ZNF184: variants seen among roughly 807,000 people sequenced by gnomAD.
ZNF184 encodes zinc finger protein 184.
ZNF184 carries 16 observed loss-of-function variants against 54.4 expected under a neutral mutation model. The ratio of observed to expected loss-of-function variants is 0.29; its 90% CI spans 0.20 to 0.45. The LOEUF is 0.45. Ranked by LOEUF, ZNF184 falls within the 20% of genes least tolerant of loss-of-function variation. The probability of loss-of-function intolerance (pLI) is 1.00; values close to 1 mark genes in which losing one functional copy is unlikely to be tolerated. For synonymous variants in ZNF184, 254 were observed against 295.3 expected (o/e 0.86, Z 1.43); for missense variants, 681 against 888.2 (o/e 0.77, Z 2.97).
intron 3 of ZNF184, among the ~76,000 whole-genome samples, chr6:27,466,207 T>C (rs539063432): frequency 6.6e-6 from 1 of 151,604 alleles, no homozygotes; most frequent in East Asian, 1.9e-4. Context: ...GCTTTGAAGA[T>C]AGAATAAGTA....
the ZNF184 span, among the ~76,000 whole-genome samples, chr6:27,420,182 C>T: frequency 2.6e-5 from 4 of 152,120 alleles, no homozygotes; most frequent in Admixed American, 6.5e-5. Context: ...ACTAAGTATC[C>T]GATAAATGCT....
intron 3 of ZNF184, among the ~76,000 whole-genome samples, chr6:27,466,977 C>G (rs1351506355): frequency 6.6e-6 from 1 of 152,222 alleles, no homozygotes; most frequent in Non-Finnish European, 1.5e-5. Flanking sequence ...TTCATTCAAT[C>G]ATTTGTGTAC....
chr6:27,453,149 C>A lies in ZNF184; in HGVS notation c.410G>T (p.Ser137Ile), dbSNP rs1239949224. 1.9e-6 allele frequency: 3 copies of A among 1,614,114 alleles called. No individual in the cohort carries two copies. In the Admixed American group the frequency reaches 5.0e-5, roughly 27 times the overall value. Residue 137 changes from serine (S) to isoleucine (I), a missense_variant, in exon 6 of 6, where the codon AGT (serine) becomes ATT (isoleucine). Ser to Ile is a moderately radical substitution (Grantham distance 142). Coordinates refer to ENST00000683788, the MANE Select transcript of ZNF184 (RefSeq NM_001318891.2). This position sits in a 1 kb window ranked among gnomAD's most constrained non-coding sequence, Gnocchi z 4.7. ...VEKHKRDDSW[S>I]SNLLESWEYE... ...TTCCCAACTTTCTAGCAAGTTGGAA[C>A]TCCAAGAATCATCTCTTTTGTGTTT...
the ZNF184 span, among the ~76,000 whole-genome samples, chr6:27,437,180 T>G: frequency 6.6e-6 from 1 of 152,172 alleles, no homozygotes; most frequent in Non-Finnish European, 1.5e-5. Context: ...GCAAAATAAA[T>G]TTTGTAGATG....
intron 3 of ZNF184, among the ~76,000 whole-genome samples, chr6:27,463,058 TAAAAA>T (rs755524386): frequency 7.1e-5 from 4 of 56,676 alleles, no homozygotes; most frequent in South Asian, 7.1e-4. Flanking sequence ...GAAAGACATT[TAAAAA>T]AAAAAAAAAA....
chr6:27,466,445 C>A (rs1763139712), intron 3 of ZNF184, among the ~76,000 whole-genome samples: 1 of 152,080 alleles, frequency 6.6e-6, no homozygotes, highest in Admixed American at 6.5e-5. Flanking sequence ...GCAAAACATA[C>A]ATTCTTTTCA....
intron 3 of ZNF184, among the ~76,000 whole-genome samples, chr6:27,459,249 A>G (rs1762940167): frequency 6.6e-6 from 1 of 152,240 alleles, no homozygotes; most frequent in Non-Finnish European, 1.5e-5. Flanking sequence ...TTCACAACAC[A>G]AAGAAGTGAT....
At chr6:27,446,122 G>A (rs1345493659), downstream of ZNF184, among the ~76,000 whole-genome samples, 1 of 152,202 alleles carries the variant, frequency 6.6e-6, no homozygotes, top group Non-Finnish European at 1.5e-5. Flanking sequence ...GTGGCTAAGT[G>A]ACTTTTTACT....
In ZNF184 at chr6:27,461,059, C is replaced by T. The variant is rs147609646; in HGVS notation, c.76-3650G>A. On this transcript the variant is annotated intron_variant, in intron 3 of 5. Coordinates refer to ENST00000683788, the MANE Select transcript of ZNF184 (RefSeq NM_001318891.2). ...ACAAGATGTACCAAACTGTCAACAT[C>T]GTTTAAAGAAACACGGAAATTTATG... Among the ~76,000 whole-genome samples the T allele has an allele frequency of 6.8e-4, 103 of 152,284 alleles. 1 individual carries two copies. The highest frequency in any genetic ancestry group is 2.2e-3 in the Admixed American group (34 of 15,304).
the ZNF184 span, among the ~76,000 whole-genome samples, chr6:27,424,890 G>A: frequency 0.59 from 90,447 of 152,078 alleles, 27,246 homozygotes; most frequent in Middle Eastern, 0.75. Context: ...GGCGCTCGTC[G>A]GGGAGGCTCG....
the ZNF184 span, among the ~76,000 whole-genome samples, chr6:27,409,368 G>A: frequency 4.6e-5 from 7 of 151,392 alleles, no homozygotes; most frequent in East Asian, 1.9e-4. Flanking sequence ...GCGTGGTGGC[G>A]GGCGCCTGTA....
intron 3 of ZNF184, among the ~76,000 whole-genome samples, chr6:27,459,870 T>C (rs529263345): frequency 2.0e-5 from 3 of 152,188 alleles, no homozygotes; most frequent in Admixed American, 6.5e-5. Context: ...TTAGAAAATA[T>C]GTACACAAGA....
intron 4 of ZNF184, 148 bp downstream of exon 4, chr6:27,457,135 T>A: frequency 8.5e-7 from 1 of 1,177,282 alleles, no homozygotes; most frequent in Non-Finnish European, 1.2e-6. Flanking sequence ...ATTTTGTCCC[T>A]CTGCTTGCTA....
In ZNF184 at chr6:27,452,130, T is replaced by A; in HGVS notation, c.1429A>T (p.Asn477Tyr). The change falls in exon 6 of 6, where the codon AAT (asparagine) becomes TAT (tyrosine). Residue 477 changes from asparagine to tyrosine, a missense_variant. Physicochemically the swap from Asn to Tyr is moderately radical, Grantham distance 143. Transcript: ENST00000683788. This position sits in a 1 kb window ranked among gnomAD's most constrained non-coding sequence, Gnocchi z 5.5. ...IHTGEKPYKC[N>Y]ECGKAFSYCS... ...TAACTGAAGGCCTTTCCACATTCAT[T>A]GCATTTGTAAGGTTTTTCTCCAGTA... The A allele has an allele frequency of 6.2e-7, 1 of 1,614,060 alleles. No individual in the cohort carries two copies. The highest frequency in any genetic ancestry group is 1.1e-5 in the South Asian group (1 of 91,076).
the ZNF184 span, among the ~76,000 whole-genome samples, chr6:27,432,755 G>T: frequency 6.6e-6 from 1 of 152,184 alleles, no homozygotes; most frequent in Non-Finnish European, 1.5e-5. The surrounding 1 kb of genome is among the most constrained non-coding windows in gnomAD (Gnocchi z 4.0). Context: ...AAGAAGTGAA[G>T]GCTATTCTCC....
At chr6:27,440,137 C>T in the ZNF184 span, among the ~76,000 whole-genome samples, 3 of 152,156 alleles carry the variant, frequency 2.0e-5, no homozygotes, top group South Asian at 2.1e-4. Context: ...TAAAGAAACA[C>T]GTTTTTGGTA....
the ZNF184 span, among the ~76,000 whole-genome samples, chr6:27,425,437 T>C: frequency 6.6e-6 from 1 of 152,236 alleles, no homozygotes; most frequent in Non-Finnish European, 1.5e-5. Flanking sequence ...GAAAAAATCC[T>C]TACATGCTAA....
downstream of ZNF184, among the ~76,000 whole-genome samples, chr6:27,448,187 T>C (rs536477160): frequency 4.6e-5 from 7 of 152,224 alleles, no homozygotes; most frequent in African/African-American, 9.7e-5. Context: ...CAGTACATGG[T>C]AAATCCTTTC....
the ZNF184 span, among the ~76,000 whole-genome samples, chr6:27,428,384 C>T: frequency 7.9e-5 from 12 of 152,278 alleles, no homozygotes; most frequent in African/African-American, 2.9e-4. This position sits in a 1 kb window ranked among gnomAD's most constrained non-coding sequence, Gnocchi z 4.1. Context: ...ACCATGCACA[C>T]GTTTATTGGA....
Sources: allele counts gnomAD v4.1 joint callset (sites outside exome capture counted in the v4.1 genomes callset), GRCh38; gene constraint gnomAD v4.1.1; non-coding constraint Gnocchi (gnomAD v3.1); transcripts MANE v1.5; gene names NCBI Gene and HGNC (gene_info 2026-07-23, HGNC 2026-07-21).